RALGAPA1: variants seen among roughly 807,000 people sequenced by gnomAD.
RALGAPA1 encodes the protein ral GTPase-activating protein subunit alpha-1.
A neutral mutation model predicts 269.6 loss-of-function variants in RALGAPA1; 52 were observed. That is an observed-to-expected ratio of 0.19 (90% CI 0.15 to 0.24). The LOEUF (loss-of-function observed/expected upper bound fraction) is 0.24. Among genes scored for constraint, RALGAPA1 ranks in the 10% least tolerant of loss-of-function variants. The pLI is 1.00. For missense variants in RALGAPA1, 1,917 were observed against 3,013.9 expected, an observed-to-expected ratio of 0.64 and a Z score of 8.52; for synonymous variants, 817 against 1,008.3, an observed-to-expected ratio of 0.81 and a Z score of 3.60.
At chr14:35,688,263 TA>T (rs1209828569) in intron 18 of RALGAPA1, among the ~76,000 whole-genome samples, 195 bp downstream of exon 18, 5 of 152,188 alleles carry the variant, frequency 3.3e-5, no homozygotes, top group African/African-American at 9.7e-5. Flanking sequence ...AAATGCCTTA[TA>T]AGGGAAATTA....
At chr14:35,768,775 G>A (rs1188159665) in intron 4 of RALGAPA1, among the ~76,000 whole-genome samples, 1 of 151,754 alleles carries the variant, frequency 6.6e-6, no homozygotes, top group Non-Finnish European at 1.5e-5. Flanking sequence ...TTGGGAGGCC[G>A]AGGTGGGCGG....
At chr14:35,686,914 A>T (rs982311829) in intron 18 of RALGAPA1, among the ~76,000 whole-genome samples, 1 of 152,266 alleles carries the variant, frequency 6.6e-6, no homozygotes, top group Admixed American at 6.5e-5. Context: ...ATAGATAAGC[A>T]CTAGCTGAAG....
intron 36 of RALGAPA1, among the ~76,000 whole-genome samples, chr14:35,599,794 G>A (rs1449358681): frequency 6.6e-6 from 1 of 151,636 alleles, no homozygotes; most frequent in African/African-American, 2.4e-5. Context: ...CAGATTCTGA[G>A]TTGACAGTTC....
chr14:35,605,834 C>A, intron 35 of RALGAPA1, 125 bp from the exon 36 acceptor site: 1 of 1,092,754 alleles, frequency 9.2e-7, no homozygotes, highest in South Asian at 2.1e-5. Context: ...ATCTTATAGT[C>A]TACAGAAGGA....
chr14:35,749,752 T>C (rs1235268019), intron 9 of RALGAPA1, among the ~76,000 whole-genome samples: 1 of 152,066 alleles, frequency 6.6e-6, no homozygotes, highest in Non-Finnish European at 1.5e-5. Flanking sequence ...CTAAGAGGAA[T>C]AAAAGTCAAA....
chr14:35,719,462 G>C (rs2069169785), intron 16 of RALGAPA1, among the ~76,000 whole-genome samples: 1 of 152,106 alleles, frequency 6.6e-6, no homozygotes, highest in African/African-American at 2.4e-5. Context: ...GTTCGGTTCA[G>C]ACAAAACTGT....
At chr14:35,626,334 C>G (rs950484078) in intron 34 of RALGAPA1, among the ~76,000 whole-genome samples, 1 of 152,162 alleles carries the variant, frequency 6.6e-6, no homozygotes, top group African/African-American at 2.4e-5. Flanking sequence ...TTTGTTCGTT[C>G]ACTGATATCT....
chr14:35,549,579 C>G lies in RALGAPA1; in HGVS notation c.7497-345G>C, dbSNP rs916664965. ...AGTCTAGGCTGAAATTTATATCGGC[C>G]TAGGCTCATCTTATCTTGTTAATCA... On this transcript the variant is annotated intron_variant, in intron 39 of 41. Transcript: ENST00000680220. 2.4e-4 allele frequency among the ~76,000 whole-genome samples: 36 copies of G among 152,146 alleles called. 1 individual carries two copies. The highest frequency in any genetic ancestry group is 8.7e-4 in the African/African-American group (36 of 41,500).
chr14:35,576,464 T>C (rs1237456464), intron 37 of RALGAPA1, among the ~76,000 whole-genome samples: 2 of 152,224 alleles, frequency 1.3e-5, no homozygotes, highest in East Asian at 3.8e-4. Context: ...ATTCATGTGC[T>C]GGCTCTCTGC....
Position 35,704,308 on chromosome 14 carries a change from T to C in RALGAPA1, c.2267-4006A>G, listed in dbSNP as rs542549227. On this transcript the variant is annotated intron_variant, in intron 16 of 41. Transcript: ENST00000680220. ...CTTAAATTCATTGCAATCTCTCTTA[T>C]TTGTTAGCATAAGCAAAACCACAGA... Among the ~76,000 whole-genome samples, 840 of 152,270 alleles carry C rather than the reference T, an allele frequency of 5.5e-3. 4 individuals are homozygous for C. The highest frequency in any genetic ancestry group is 0.01 in the Non-Finnish European group (704 of 67,978).
chr14:35,723,685 A>G (rs931112880), intron 14 of RALGAPA1: 6 of 153,002 alleles, frequency 3.9e-5, no homozygotes, highest in African/African-American at 1.4e-4. Context: ...AATAATATAA[A>G]GAAACAACAT....
intron 22 of RALGAPA1, chr14:35,676,558 A>G (rs1193761167): frequency 6.6e-6 from 1 of 152,238 alleles, no homozygotes. Context: ...GTAGCTATAA[A>G]GGGCATTATT....
At chr14:35,776,937 C>T (rs2141581504) in intron 1 of RALGAPA1, among the ~76,000 whole-genome samples, 1 of 151,896 alleles carries the variant, frequency 6.6e-6, no homozygotes, top group East Asian at 1.9e-4. Flanking sequence ...TGGCCTGGTT[C>T]TCTCATAATC....
At chr14:35,646,670 A>G (rs766092110) in intron 31 of RALGAPA1, among the ~76,000 whole-genome samples, 10 of 152,226 alleles carry the variant, frequency 6.6e-5, no homozygotes, top group Non-Finnish European at 1.5e-4. Context: ...TTTGCCCTAC[A>G]GGATGTTAGT....
At position 35,761,095 on chromosome 14, in the gene RALGAPA1, C is replaced by A. The variant is rs1012503158; in HGVS notation, c.370-89G>T. ...AACAAAGTTCTCTAGATGATGACAA[C>A]AGAATGATACTTTCGAGAGGCAGGG... is the stretch of plus-strand genomic sequence containing the variant. On this transcript the variant is annotated intron_variant, in intron 5 of 41. Transcript: ENST00000680220. The A allele has an allele frequency of 1.7e-5, 16 of 919,732 alleles. No homozygotes were observed. The African/African-American group carries it at 1.8e-4, about 11-fold the overall frequency. 57.0% of individuals were successfully genotyped at this position (919,732 alleles called of 1,614,324 possible).
intron 39 of RALGAPA1, among the ~76,000 whole-genome samples, chr14:35,552,419 T>TAC (rs2055113302): frequency 6.6e-6 from 1 of 152,148 alleles, no homozygotes; most frequent in African/African-American, 2.4e-5. Flanking sequence ...TTAGTACATA[T>TAC]ACATTGAGTG....
chr14:35,738,044 C>T (rs188308186), intron 12 of RALGAPA1, among the ~76,000 whole-genome samples: 5 of 149,992 alleles, frequency 3.3e-5, no homozygotes, highest in African/African-American at 1.2e-4. Context: ...GCCAAGATCG[C>T]ACCATTGCAC....
intron 1 of RALGAPA1, among the ~76,000 whole-genome samples, chr14:35,789,145 G>A (rs979836971): frequency 4.6e-5 from 7 of 152,142 alleles, no homozygotes; most frequent in African/African-American, 1.2e-4. Flanking sequence ...AGACTTCATA[G>A]AGGCTATCTA....
chr14:35,584,702 G>T (rs1161684615), intron 37 of RALGAPA1, among the ~76,000 whole-genome samples: 2 of 149,628 alleles, frequency 1.3e-5, no homozygotes, highest in East Asian at 4.1e-4. Context: ...AGAGAGAAGG[G>T]AATCATATAA....
Sources: allele counts gnomAD v4.1 joint callset (sites outside exome capture counted in the v4.1 genomes callset), GRCh38; gene constraint gnomAD v4.1.1; transcripts MANE v1.5; gene names NCBI Gene and HGNC (gene_info 2026-07-23, HGNC 2026-07-21).